The following ZNF558 variants were observed in gnomAD, a reference collection of about 807,000 sequenced individuals.
ZNF558 encodes the protein zinc finger protein 558.
In ZNF558, 23 loss-of-function variants were observed where a neutral mutation model predicts 37.6. The observed-to-expected ratio is 0.61, with a 90% confidence interval of 0.44 to 0.87. ZNF558 has a LOEUF of 0.87. ZNF558 is among the 40% of genes least tolerant of loss of function. ZNF558 has a pLI of 0.00. For synonymous variants in ZNF558, 189 were observed against 174.4 expected, an observed-to-expected ratio of 1.08 and a Z score of -0.66; for missense variants, 429 against 483.7, an observed-to-expected ratio of 0.89 and a Z score of 1.06.
At chr19:8,813,081 G>A (rs1555768907) in intron 8 of ZNF558, 46 bp downstream of exon 8, 2 of 1,470,136 alleles carry the variant, frequency 1.4e-6, no homozygotes, top group East Asian at 2.4e-5. Context: ...CCAAGTCACT[G>A]GCCAGAGCTA....
At chr19:8,820,814 T>A (rs1281143734) in intron 7 of ZNF558, among the ~76,000 whole-genome samples, 1 of 152,154 alleles carries the variant, frequency 6.6e-6, no homozygotes, top group Non-Finnish European at 1.5e-5. Context: ...ACATGAAAAG[T>A]CAGACACAAA....
upstream of ZNF558, chr19:8,833,601 C>T (rs1340200796): frequency 1.3e-5 from 2 of 152,188 alleles, no homozygotes; most frequent in African/African-American, 4.8e-5. Flanking sequence ...ACGTCCTTGC[C>T]CTCAGAGAAC....
At chr19:8,828,808 A>T (rs1325430959) in intron 2 of ZNF558, among the ~76,000 whole-genome samples, 1 of 152,090 alleles carries the variant, frequency 6.6e-6, no homozygotes, top group Non-Finnish European at 1.5e-5. Context: ...CTCAAAATAC[A>T]AAAAATTTGC....
intron 7 of ZNF558, among the ~76,000 whole-genome samples, chr19:8,813,445 G>A (rs879996993): frequency 1.1e-4 from 17 of 152,244 alleles, no homozygotes; most frequent in South Asian, 2.1e-4. Flanking sequence ...TGCAACCTCT[G>A]CCTTCCAGGT....
chr19:8,809,489 CAGT>C lies in ZNF558; in HGVS notation c.*1789_*1791del, dbSNP rs1259713228. ...GAACGGACACTGGGAAAGAAACCAA[CAGT>C]ATTTGGCATACCAAGATAGAGAGAA... On this transcript the variant is annotated 3_prime_UTR_variant, in exon 10 of 10. Coordinates refer to ENST00000601372, the MANE Select transcript of ZNF558 (RefSeq NM_144693.3). The C allele has an allele frequency of 1.3e-5, 2 of 152,140 alleles. No individual in the cohort carries two copies. Among genetic ancestry groups the C allele is most frequent in the African/African-American group, 2.4e-5 (1 of 41,416 alleles). 9.4% of individuals were successfully genotyped at this position (152,140 alleles called of 1,614,324 possible).
chr19:8,834,955 CA>C (rs1648524439), upstream of ZNF558, among the ~76,000 whole-genome samples: 1 of 151,464 alleles, frequency 6.6e-6, no homozygotes, highest in African/African-American at 2.4e-5. Context: ...AAGACATTTA[CA>C]AATGATTTAT....
rs559668791 is a variant in ZNF558, at chr19:8,822,213, C to A, written c.32-122G>T. 5 of 1,193,698 alleles carry A rather than the reference C, an allele frequency of 4.2e-6. No homozygotes were observed. The highest frequency in any genetic ancestry group is 5.9e-6 in the Non-Finnish European group (5 of 844,152). The allele number at this position is 1,193,698 out of a possible 1,614,324, so 73.9% of individuals were successfully genotyped here. A position where few individuals can be genotyped will look rare whatever the true frequency, so the allele number is the denominator to read the frequency against. On this transcript the variant is annotated intron_variant, in intron 5 of 9. Transcript: ENST00000601372. The surrounding 1 kb of genome is among the most constrained non-coding windows in gnomAD (Gnocchi z 4.4). ...TGAGGCACCACACAGTGCCCACCTACGCTCCATGCAAACACCTACCCACAG... is the reference window on the plus strand; with the variant it reads ...TGAGGCACCACACAGTGCCCACCTAAGCTCCATGCAAACACCTACCCACAG...
intron 2 of ZNF558, among the ~76,000 whole-genome samples, chr19:8,826,012 G>T (rs1373314557): frequency 6.6e-6 from 1 of 152,192 alleles, no homozygotes; most frequent in African/African-American, 2.4e-5. Context: ...GATGAGAGAA[G>T]AAGGGAGCGT....
Position 8,811,675 on chromosome 19 carries a change from G to A in ZNF558, c.815C>T (p.Ala272Val). Residue 272 changes from alanine (A) to valine (V), a missense_variant, in exon 10 of 10, where the codon GCT becomes GTT. Physicochemically the swap from Ala to Val is moderately conservative, Grantham distance 64 (BLOSUM62 0). Coordinates refer to ENST00000601372, the MANE Select transcript of ZNF558 (RefSeq NM_144693.3). ...NHHECNQCGK[A>V]FSTRSSLTGH... ...AGTGAGAGAGGACCTTGTGCTGAAA[G>A]CTTTTCCACACTGATTACATTCATG... The A allele has an allele frequency of 6.2e-7, 1 of 1,614,156 alleles. No individual in the cohort carries two copies. The highest frequency in any genetic ancestry group is 1.1e-5 in the South Asian group (1 of 91,084).
intron 7 of ZNF558, among the ~76,000 whole-genome samples, chr19:8,817,203 G>C (rs1446939195): frequency 6.6e-6 from 1 of 152,132 alleles, no homozygotes; most frequent in Non-Finnish European, 1.5e-5. Flanking sequence ...ATCATTACAA[G>C]GTGGATTTTG....
intron 7 of ZNF558, among the ~76,000 whole-genome samples, chr19:8,816,379 C>G (rs2043940819): frequency 6.6e-6 from 1 of 151,892 alleles, no homozygotes; most frequent in Non-Finnish European, 1.5e-5. Context: ...ACATATTAAT[C>G]AAACTGTTGA....
chr19:8,826,618 A>T (rs2044238279), intron 2 of ZNF558, among the ~76,000 whole-genome samples: 2 of 152,076 alleles, frequency 1.3e-5, no homozygotes, highest in African/African-American at 4.8e-5. Flanking sequence ...GTAAATACAG[A>T]TGAAGCTTCG....
chr19:8,807,157 G>C lies in ZNF558; in HGVS notation c.*4124C>G, dbSNP rs1478159777. ...GTCTGACCCTGGCTATTTCCTGCAGGAGGACCTGGGGCTGGATGCTATCGC... is the reference window on the plus strand; with the variant it reads ...GTCTGACCCTGGCTATTTCCTGCAGCAGGACCTGGGGCTGGATGCTATCGC... On this transcript the variant is annotated 3_prime_UTR_variant, in exon 10 of 10. Transcript: ENST00000601372. 2 of 152,192 alleles carry C rather than the reference G, an allele frequency of 1.3e-5. 1 individual carries two copies. The highest frequency in any genetic ancestry group is 4.1e-4 in the South Asian group (2 of 4,826). 9.4% of individuals were successfully genotyped at this position (152,192 alleles called of 1,614,324 possible).
rs757092518 is a variant in ZNF558 at position 8,821,264 on chromosome 19, C to G, written c.163G>C (p.Glu55Gln). Residue 55 changes from glutamate (E) to glutamine (Q), a missense_variant, in exon 7 of 10, where the codon GAG becomes CAG. By Grantham distance (29) the Glu-to-Gln change is conservative. Coordinates refer to ENST00000601372, the MANE Select transcript of ZNF558 (RefSeq NM_144693.3). ...GCAGGGTCCAGCAACGCCCACTCCT[C>G]CTGGGTGAACTCCACGGCCACATCC... is the stretch of plus-strand genomic sequence containing the variant. ...FEDVAVEFTQ[E>Q]EWALLDPAQR... The G allele has an allele frequency of 6.2e-7, 1 of 1,614,206 alleles. No individual in the cohort carries two copies. The highest frequency in any genetic ancestry group is 2.2e-5 in the East Asian group (1 of 44,890).
At chr19:8,823,380 C>T (rs1599281820) in intron 4 of ZNF558, among the ~76,000 whole-genome samples, 2 of 139,540 alleles carry the variant, frequency 1.4e-5, no homozygotes, top group East Asian at 4.3e-4. Flanking sequence ...TCAGTCAACC[C>T]CTCTCCTGCC....
chr19:8,828,595 G>A (rs2145302804), intron 2 of ZNF558, among the ~76,000 whole-genome samples: 1 of 152,298 alleles, frequency 6.6e-6, no homozygotes, highest in Non-Finnish European at 1.5e-5. Context: ...CTAAACCAGT[G>A]TGTAACCTCC....
Position 8,810,595 on chromosome 19 carries a change from T to C in ZNF558, c.*686A>G, listed in dbSNP as rs2043760511. The C allele has an allele frequency of 3.3e-5, 5 of 152,238 alleles. No individual in the cohort carries two copies. The highest frequency in any genetic ancestry group is 3.3e-4 in the Admixed American group (5 of 15,284). 9.4% of individuals were successfully genotyped at this position (152,238 alleles called of 1,614,324 possible). On this transcript the variant is annotated 3_prime_UTR_variant, in exon 10 of 10. Transcript: ENST00000601372. The stretch of plus-strand genomic sequence containing the variant: ...CTCTTCAGAGTGAATTAATAGGAGT[T>C]ACTGAATGCTATTTCATATTGATTA...
upstream of ZNF558, among the ~76,000 whole-genome samples, chr19:8,834,912 C>T (rs1012351415): frequency 6.6e-6 from 1 of 151,938 alleles, no homozygotes. Flanking sequence ...TCAAAGGACA[C>T]CATCAAGAAA....
At chr19:8,819,844 G>A (rs540121876) in intron 7 of ZNF558, among the ~76,000 whole-genome samples, 4 of 152,300 alleles carry the variant, frequency 2.6e-5, no homozygotes, top group Admixed American at 2.6e-4. Context: ...GAGAGGCTGA[G>A]GTATGAGAAT....
Sources: allele counts gnomAD v4.1 joint callset (sites outside exome capture counted in the v4.1 genomes callset), GRCh38; gene constraint gnomAD v4.1.1; non-coding constraint Gnocchi (gnomAD v3.1); transcripts MANE v1.5; gene names NCBI Gene and HGNC (gene_info 2026-07-23, HGNC 2026-07-21).